Variants in OSBPL11 observed in about 807,000 individuals in gnomAD.
The protein encoded by OSBPL11 is oxysterol binding protein like 11, also known as oxysterol-binding protein-related protein 11.
OSBPL11 carries 33 observed loss-of-function variants against 84.4 expected under a neutral mutation model. That is an observed-to-expected ratio of 0.39 (90% CI 0.30 to 0.52). The LOEUF (loss-of-function observed/expected upper bound fraction) is 0.52. OSBPL11 is among the 20% of genes least tolerant of loss of function. The pLI is 0.72. For missense variants in OSBPL11, 736 were observed against 901.1 expected, an observed-to-expected ratio of 0.82 and a Z score of 2.35; for synonymous variants, 276 against 310.2, an observed-to-expected ratio of 0.89 and a Z score of 1.16.
At chr3:125,569,368 T>C (rs986690443) in intron 5 of OSBPL11, among the ~76,000 whole-genome samples, 4 of 152,138 alleles carry the variant, frequency 2.6e-5, no homozygotes, top group African/African-American at 9.7e-5. Flanking sequence ...TAGTTAAGGA[T>C]CAAACATTTA....
chr3:125,541,874 T>C (rs939521850), intron 10 of OSBPL11, among the ~76,000 whole-genome samples: 8 of 152,168 alleles, frequency 5.3e-5, no homozygotes, highest in African/African-American at 1.9e-4. Context: ...TGAGCCACCG[T>C]ACCCGGCCCC....
intron 10 of OSBPL11, among the ~76,000 whole-genome samples, chr3:125,546,483 C>A (rs535244371): frequency 1.3e-5 from 2 of 152,244 alleles, no homozygotes; most frequent in African/African-American, 2.4e-5. Flanking sequence ...CAGGCATGCG[C>A]CACCATACTC....
Position 125,584,529 on chromosome 3 carries a change from C to T in OSBPL11, c.165-1551G>A, listed in dbSNP as rs183221529. On this transcript the variant is annotated intron_variant, in intron 1 of 12. Transcript: ENST00000296220. ...CAAAGTGCCAAGATATTTCATAATT[C>T]GCCATTTTGGGAACTACTCTTTAAT... Among the ~76,000 whole-genome samples the T allele has an allele frequency of 1.8e-3, 275 of 152,214 alleles. 1 individual carries two copies. The highest frequency in any genetic ancestry group is 5.8e-3 in the African/African-American group (240 of 41,534).
chr3:125,554,851 A>C (rs1361164969), intron 8 of OSBPL11, among the ~76,000 whole-genome samples: 2 of 152,204 alleles, frequency 1.3e-5, no homozygotes, highest in Non-Finnish European at 2.9e-5. Context: ...ATAAAAGACC[A>C]GACCAGGAAG....
intron 8 of OSBPL11, among the ~76,000 whole-genome samples, chr3:125,557,780 C>T (rs1936012681): frequency 1.4e-5 from 2 of 144,314 alleles, no homozygotes; most frequent in Admixed American, 7.0e-5. Context: ...ATGTGTAACA[C>T]ATACAACTTT....
At chr3:125,548,955 A>G (rs924611053) in intron 9 of OSBPL11, among the ~76,000 whole-genome samples, 5 of 152,190 alleles carry the variant, frequency 3.3e-5, no homozygotes, top group Non-Finnish European at 7.3e-5. Flanking sequence ...TTTCCCAAAA[A>G]ACATGGTTCT....
At position 125,552,753 on chromosome 3, in the gene OSBPL11, T is replaced by C. The variant is rs1031725570; in HGVS notation, c.1156-74A>G. 3.4e-6 allele frequency: 5 copies of C among 1,465,598 alleles called. No homozygotes were observed. In the African/African-American group the frequency reaches 5.7e-5, roughly 17 times the overall value. The allele number at this position is 1,465,598 out of a possible 1,614,324, so 90.8% of individuals were successfully genotyped here. A position where few individuals can be genotyped will look rare whatever the true frequency, so the allele number is the denominator to read the frequency against. ...TATCTGTAGACAACTATTCTCTCTC[T>C]GAAAACATTTCATTCTAGATGGGTA... is the stretch of plus-strand genomic sequence containing the variant. On this transcript the variant is annotated intron_variant, in intron 8 of 12. Transcript: ENST00000296220.
intron 2 of OSBPL11, among the ~76,000 whole-genome samples, chr3:125,580,478 C>T (rs1936406370): frequency 7.4e-6 from 1 of 134,704 alleles, no homozygotes; most frequent in Non-Finnish European, 1.5e-5. Flanking sequence ...CGAGCCACTG[C>T]ACTCCAGCCT....
intron 8 of OSBPL11, among the ~76,000 whole-genome samples, chr3:125,553,159 C>T (rs1042904130): frequency 1.3e-5 from 2 of 151,996 alleles, no homozygotes; most frequent in Admixed American, 6.6e-5. Flanking sequence ...CAAATCTGCC[C>T]AAGACTAAAC....
chr3:125,586,474 T>C (rs1312096318), intron 1 of OSBPL11, among the ~76,000 whole-genome samples: 1 of 152,194 alleles, frequency 6.6e-6, no homozygotes, highest in Non-Finnish European at 1.5e-5. Flanking sequence ...TAAAAATAAC[T>C]GCTTCAATTC....
chr3:125,562,546 G>A (rs921732290), intron 7 of OSBPL11, among the ~76,000 whole-genome samples: 5 of 152,066 alleles, frequency 3.3e-5, no homozygotes, highest in Non-Finnish European at 7.3e-5. Flanking sequence ...AGTAATTTAC[G>A]AATATATAAA....
chr3:125,542,681 T>C (rs150325280), intron 10 of OSBPL11, among the ~76,000 whole-genome samples: 10,140 of 152,154 alleles, frequency 0.067, 457 homozygotes, highest in Non-Finnish European at 0.098. Flanking sequence ...GTTAATTTTT[T>C]TTGTATTTTT....
chr3:125,587,864 AG>A (rs775286574), intron 1 of OSBPL11, among the ~76,000 whole-genome samples: 12 of 152,144 alleles, frequency 7.9e-5, no homozygotes, highest in Non-Finnish European at 1.3e-4. Flanking sequence ...GCTTGAGCCC[AG>A]GAAGTGGAGG....
chr3:125,591,570 C>T (rs1221761106), intron 1 of OSBPL11, among the ~76,000 whole-genome samples: 1 of 152,132 alleles, frequency 6.6e-6, no homozygotes, highest in Non-Finnish European at 1.5e-5. Context: ...AACTGAATTG[C>T]ACCAAGAGTC....
chr3:125,536,269 T>C (rs1056348572), intron 11 of OSBPL11, among the ~76,000 whole-genome samples: 3 of 152,200 alleles, frequency 2.0e-5, no homozygotes, highest in African/African-American at 7.2e-5. Context: ...AAAAGGCCAG[T>C]TGCAATGTGG....
intron 8 of OSBPL11, among the ~76,000 whole-genome samples, chr3:125,554,839 C>A (rs1373722623): frequency 6.6e-6 from 1 of 151,704 alleles, no homozygotes; most frequent in Non-Finnish European, 1.5e-5. Context: ...TATGAGAGAA[C>A]AATAAAAGAC....
At position 125,552,158 on chromosome 3, in the gene OSBPL11, TATAA is replaced by T. The variant is rs2107595495; in HGVS notation, c.1654+19_1654+22del. 2.4e-6 allele frequency: 3 copies of T among 1,228,168 alleles called. No homozygotes were observed. Among genetic ancestry groups the T allele is most frequent in the South Asian group, 1.7e-5 (1 of 57,222 alleles). The allele number at this position is 1,228,168 out of a possible 1,614,324, so 76.1% of individuals were successfully genotyped here. Reference sequence around the variant, plus strand: ...GTGTGTGTGTATATATATATATATATATAAAATAATTTTTCTACTTACCTTCTCC... The same window carrying T: ...GTGTGTGTGTATATATATATATATATAATAATTTTTCTACTTACCTTCTCC... On this transcript the variant is annotated intron_variant, in intron 9 of 12. Coordinates refer to ENST00000296220, the MANE Select transcript of OSBPL11 (RefSeq NM_022776.5).
rs1317768724 is a variant in OSBPL11, at chr3:125,580,086, A to C, written c.234-46T>G. On this transcript the variant is annotated intron_variant, in intron 2 of 12. Transcript: ENST00000296220. ...CCATAATTTGTAAACATTTTCCCTC[A>C]GCAAACTAAAGCAAAGCAAACTTCA... 2.7e-6 allele frequency: 4 copies of C among 1,503,384 alleles called. No homozygotes were observed. In the South Asian group the frequency reaches 3.5e-5, roughly 13 times the overall value. 93.1% of individuals were successfully genotyped at this position (1,503,384 alleles called of 1,614,324 possible).
rs1306631341 is a variant in OSBPL11 at position 125,574,267 on chromosome 3, C to T, written c.666+1922G>A. 2.1e-5 allele frequency among the ~76,000 whole-genome samples: 3 copies of T among 142,596 alleles called. No individual in the cohort carries two copies. In the East Asian group the frequency reaches 6.0e-4, roughly 28 times the overall value. 93.5% of individuals were successfully genotyped at this position (142,596 alleles called of 152,430 possible). ...GTATTCTTTACCTGCCATGAACTCA[C>T]AGGAAAAAAAAAAAAAAGCCAATTT... On this transcript the variant is annotated intron_variant, in intron 5 of 12. Transcript: ENST00000296220.
Sources: gnomAD v4.1 joint callset for allele counts (sites outside exome capture counted in the v4.1 genomes callset) on GRCh38, gnomAD v4.1.1 for gene constraint, MANE v1.5 for transcripts, NCBI Gene and HGNC (gene_info 2026-07-23, HGNC 2026-07-21) for gene names.